FOXO3B: variants seen among roughly 807,000 people sequenced by gnomAD.
The protein encoded by FOXO3B is forkhead box O3B.
Under a neutral mutation model 21.9 loss-of-function variants are expected in FOXO3B, and 15 were observed. That is an observed-to-expected ratio of 0.68 (90% CI 0.46 to 1.05). The LOEUF is 1.05. Among genes scored for constraint, FOXO3B ranks in the 50% least tolerant of loss-of-function variants. The pLI, the probability that FOXO3B is intolerant of heterozygous loss-of-function variation, is 0.00. For missense variants in FOXO3B, 293 were observed against 435.5 expected, an observed-to-expected ratio of 0.67 and a Z score of 2.91; for synonymous variants, 135 against 213.6, an observed-to-expected ratio of 0.63 and a Z score of 3.21.
rs1237912451 is a variant in FOXO3B, at chr17:18,679,476, GT to G, written c.126+1264del. ...ACTTTTTTTTTTTTTTTTTGAGACA[GT>G]TTCACTCTCACCCAGGCTGGAGTGC... On this transcript the variant is annotated intron_variant, in intron 3 of 3. Coordinates refer to ENST00000395675, the MANE Select transcript of FOXO3B (RefSeq NM_001368135.1). Among the ~76,000 whole-genome samples the G allele has an allele frequency of 5.5e-5, 8 of 144,494 alleles. No individual in the cohort carries two copies. The East Asian group carries it at 1.6e-3, about 29-fold the overall frequency. The allele number at this position is 144,494 out of a possible 152,430, so 94.8% of individuals were successfully genotyped here.
In FOXO3B at chr17:18,669,976, G is replaced by A. The variant is rs865861989; in HGVS notation, c.*2333C>T. On this transcript the variant is annotated 3_prime_UTR_variant, in exon 4 of 4. Transcript: ENST00000395675. ...TCTCCTTAAAACTAAACCCTTTTTG[G>A]GTGACATTTGGCAATGAGTGGAGAG... 0.43 allele frequency among the ~76,000 whole-genome samples: 63,007 copies of A among 147,334 alleles called. 13,801 individuals are homozygous for A. Among genetic ancestry groups the A allele is most frequent in the African/African-American group, 0.53 (20,606 of 39,020 alleles).
chr17:18,678,034 G>T (rs191459278), intron 3 of FOXO3B, among the ~76,000 whole-genome samples: 15 of 150,942 alleles, frequency 9.9e-5, no homozygotes, highest in African/African-American at 3.7e-4. Flanking sequence ...CTTTAGCCTA[G>T]AATCTGCATA....
At chr17:18,677,841 T>C in intron 3 of FOXO3B, 1 of 1,146,244 alleles carries the variant, frequency 8.7e-7, no homozygotes, top group Non-Finnish European at 1.2e-6. Flanking sequence ...ATTTAAATTA[T>C]GGCTGGGGTC....
intron 3 of FOXO3B, among the ~76,000 whole-genome samples, chr17:18,673,447 T>A (rs2032417692): frequency 6.6e-6 from 1 of 152,134 alleles, no homozygotes; most frequent in East Asian, 1.9e-4. Context: ...TAGCTTGAAA[T>A]TTTTCTGTTT....
rs1477634950 is a variant in FOXO3B at position 18,671,961 on chromosome 17, G to A, written c.*348C>T. 6.2e-7 allele frequency: 1 copy of A among 1,613,176 alleles called. No individual in the cohort carries two copies. Among genetic ancestry groups the A allele is most frequent in the Admixed American group, 1.7e-5 (1 of 59,928 alleles). Reference sequence around the variant, plus strand: ...TGCTTGCCATGATGGGCGACAGGCGGCCACTGACTGTGCTGGCGTTAGAAT... The same window carrying A: ...TGCTTGCCATGATGGGCGACAGGCGACCACTGACTGTGCTGGCGTTAGAAT... On this transcript the variant is annotated 3_prime_UTR_variant, in exon 4 of 4. Coordinates refer to ENST00000395675, the MANE Select transcript of FOXO3B (RefSeq NM_001368135.1).
chr17:18,669,368 A>G lies in FOXO3B; in HGVS notation c.*2941T>C, dbSNP rs1179090549. On this transcript the variant is annotated 3_prime_UTR_variant, in exon 4 of 4. Coordinates refer to ENST00000395675, the MANE Select transcript of FOXO3B (RefSeq NM_001368135.1). Reference sequence around the variant, plus strand: ...CCCATGCATAAGGTTCCATTTTTGTACTGTACATAATAAAATATATTTATA... The same window carrying G: ...CCCATGCATAAGGTTCCATTTTTGTGCTGTACATAATAAAATATATTTATA... The G allele has an allele frequency of 7.0e-6, 1 of 143,532 alleles. No homozygotes were observed. Among genetic ancestry groups the G allele is most frequent in the Non-Finnish European group, 1.5e-5 (1 of 67,190 alleles). 8.9% of individuals were successfully genotyped at this position (143,532 alleles called of 1,614,324 possible). A position where few individuals can be genotyped will look rare whatever the true frequency, so the allele number is the denominator to read the frequency against.
At chr17:18,677,728 C>G (rs1048514627) in intron 3 of FOXO3B, 2 of 1,590,198 alleles carry the variant, frequency 1.3e-6, no homozygotes, top group African/African-American at 2.8e-5. Context: ...AAGAAAAAGA[C>G]GGACAAGAAG....
At chr17:18,677,046 T>C (rs2032499503) in intron 3 of FOXO3B, among the ~76,000 whole-genome samples, 1 of 152,188 alleles carries the variant, frequency 6.6e-6, no homozygotes, top group Admixed American at 6.5e-5. Flanking sequence ...TTTTTATTTC[T>C]TAAAAAATAA....
chr17:18,674,858 A>T (rs2032454716), intron 3 of FOXO3B, among the ~76,000 whole-genome samples: 1 of 152,146 alleles, frequency 6.6e-6, no homozygotes. Context: ...CTGCAGAGAC[A>T]CCATGTCCCA....
Position 18,672,436 on chromosome 17 carries a change from T to C in FOXO3B, c.746A>G (p.Asp249Gly). 2.5e-6 allele frequency: 4 copies of C among 1,609,822 alleles called. No homozygotes were observed. Among genetic ancestry groups the C allele is most frequent in the Non-Finnish European group, 3.4e-6 (4 of 1,177,992 alleles). Residue 249 changes from aspartate to glycine, a missense_variant, in exon 4 of 4, where the codon GAC becomes GGC. Asp to Gly is a moderately conservative substitution (Grantham distance 94, BLOSUM62 -1). This residue lies in a region of FOXO3B where 251 missense variants were observed against 404.0 expected (regional missense o/e 0.62). Transcript: ENST00000395675. The surrounding 1 kb of genome is among the most constrained non-coding windows in gnomAD (Gnocchi z 4.2). ...RNAWGNLSYA[D>G]LITRAIESSP... ...GCTCTCGATGGCGCGGGTGATCAGG[T>C]CCGCGTAGGACAGGTTTCCCCAGGC...
At chr17:18,675,985 A>G (rs946888549) in intron 3 of FOXO3B, among the ~76,000 whole-genome samples, 1 of 152,236 alleles carries the variant, frequency 6.6e-6, no homozygotes, top group Non-Finnish European at 1.5e-5. Flanking sequence ...AAAGATTAGA[A>G]GAACCAATTT....
chr17:18,674,639 A>AAAAGGGG (rs61684359), intron 3 of FOXO3B, among the ~76,000 whole-genome samples: 1 of 121,408 alleles, frequency 8.2e-6, no homozygotes, highest in African/African-American at 3.5e-5. Flanking sequence ...AAAAAAAAAA[A>AAAAGGGG]GGGGGGGGGG....
rs1199243514 is a variant in FOXO3B at position 18,668,549 on chromosome 17, C to T, written c.*3760G>A. On this transcript the variant is annotated 3_prime_UTR_variant, in exon 4 of 4. Transcript: ENST00000395675. ...AAACACATTGGAGGGTTGCCTTTCT[C>T]ACTCCCAAAGCAGCTCCCTGGGTCT... The T allele has an allele frequency of 6.6e-6, 1 of 152,604 alleles. No homozygotes were observed. Among genetic ancestry groups the T allele is most frequent in the Non-Finnish European group, 1.5e-5 (1 of 68,040 alleles). The allele number at this position is 152,604 out of a possible 1,614,324, so 9.5% of individuals were successfully genotyped here. A position where few individuals can be genotyped will look rare whatever the true frequency, so the allele number is the denominator to read the frequency against.
In FOXO3B at chr17:18,672,656, C is replaced by T. The variant is rs2032394409; in HGVS notation, c.526G>A (p.Gly176Arg). 5 of 1,509,036 alleles carry T rather than the reference C, an allele frequency of 3.3e-6. No individual in the cohort carries two copies. The highest frequency in any genetic ancestry group is 4.4e-6 in the Non-Finnish European group (5 of 1,136,514). The allele number at this position is 1,509,036 out of a possible 1,614,324, so 93.5% of individuals were successfully genotyped here. A position where few individuals can be genotyped will look rare whatever the true frequency, so the allele number is the denominator to read the frequency against. The change falls in exon 4 of 4, where the codon GGG (glycine) becomes AGG (arginine). Residue 176 changes from glycine to arginine, a missense_variant. By Grantham distance (125) the Gly-to-Arg change is moderately radical. Transcript: ENST00000395675. The surrounding 1 kb of genome is among the most constrained non-coding windows in gnomAD (Gnocchi z 4.2). ...GGGGSRTLVS[G>R]LLLEDSVRVL... Reference sequence around the variant, plus strand: ...CGGACCGAGTCCTCAAGGAGCAGCCCGGAGACCAGCGTGCGGCTCCCGCCG... The same window carrying T: ...CGGACCGAGTCCTCAAGGAGCAGCCTGGAGACCAGCGTGCGGCTCCCGCCG...
intron 3 of FOXO3B, among the ~76,000 whole-genome samples, chr17:18,676,546 T>C (rs552818433): frequency 6.6e-6 from 1 of 152,320 alleles, no homozygotes; most frequent in Admixed American, 6.5e-5. Context: ...TAAGAAAAAG[T>C]GTAACAATAA....
Position 18,671,948 on chromosome 17 carries a change from T to C in FOXO3B, c.*361A>G, listed in dbSNP as rs1172004800. ...TCATCCAACTCTGTGCTTGCCATGA[T>C]GGGCGACAGGCGGCCACTGACTGTG... On this transcript the variant is annotated 3_prime_UTR_variant, in exon 4 of 4. Coordinates refer to ENST00000395675, the MANE Select transcript of FOXO3B (RefSeq NM_001368135.1). 1.9e-6 allele frequency: 3 copies of C among 1,613,444 alleles called. No individual in the cohort carries two copies. The highest frequency in any genetic ancestry group is 2.2e-5 in the East Asian group (1 of 44,872).
chr17:18,669,672 T>G lies in FOXO3B; in HGVS notation c.*2637A>C, dbSNP rs922294695. The stretch of plus-strand genomic sequence containing the variant: ...AGTTAAAACTGCCCTATTTTGTACT[T>G]CCATTGAGTCGCTTGTACAATTACA... On this transcript the variant is annotated 3_prime_UTR_variant, in exon 4 of 4. Coordinates refer to ENST00000395675, the MANE Select transcript of FOXO3B (RefSeq NM_001368135.1). 3.0e-4 allele frequency among the ~76,000 whole-genome samples: 45 copies of G among 152,232 alleles called. No individual in the cohort carries two copies. Among genetic ancestry groups the G allele is most frequent in the African/African-American group, 1.1e-3 (45 of 41,466 alleles).
chr17:18,678,575 A>G (rs1375137820), intron 3 of FOXO3B, among the ~76,000 whole-genome samples: 1 of 152,132 alleles, frequency 6.6e-6, no homozygotes, highest in Non-Finnish European at 1.5e-5. Flanking sequence ...GGCAAATTCT[A>G]ACAAGAAAAA....
At chr17:18,677,285 G>A (rs2032506002) in intron 3 of FOXO3B, 15 of 1,613,204 alleles carry the variant, frequency 9.3e-6, no homozygotes, top group Non-Finnish European at 1.1e-5. Context: ...TGAAACTCCT[G>A]CTGGGGAAGG....
Sources: allele counts gnomAD v4.1 joint callset (sites outside exome capture counted in the v4.1 genomes callset), GRCh38; gene constraint gnomAD v4.1.1; regional missense constraint gnomAD v4.1.1; non-coding constraint Gnocchi (gnomAD v3.1); transcripts MANE v1.5; gene names NCBI Gene and HGNC (gene_info 2026-07-23, HGNC 2026-07-21).